The following FKBP15 variants were observed in gnomAD, a reference collection of about 807,000 sequenced individuals.
FKBP15 encodes the protein FKBP prolyl isomerase family member 15.
A neutral mutation model predicts 158.1 loss-of-function variants in FKBP15; 106 were observed. That is an observed-to-expected ratio of 0.67 (90% CI 0.57 to 0.79). FKBP15 has a LOEUF of 0.79. Ranked by LOEUF, FKBP15 falls within the 30% of genes least tolerant of loss-of-function variation. The probability of loss-of-function intolerance (pLI) is 0.00; values close to 1 mark genes in which losing one functional copy is unlikely to be tolerated. For synonymous variants in FKBP15, 547 were observed against 548.6 expected, an observed-to-expected ratio of 1.00 and a Z score of 0.04; for missense variants, 1,287 against 1,479.1, an observed-to-expected ratio of 0.87 and a Z score of 2.13.
At chr9:113,215,930 T>TG (rs1831121478) in intron 1 of FKBP15, among the ~76,000 whole-genome samples, 1 of 151,652 alleles carries the variant, frequency 6.6e-6, no homozygotes, top group South Asian at 2.1e-4. Flanking sequence ...GGATTATAGG[T>TG]GTGAGCCATT....
intron 18 of FKBP15, among the ~76,000 whole-genome samples, chr9:113,183,190 C>A (rs758796932): frequency 1.3e-5 from 2 of 152,116 alleles, no homozygotes; most frequent in Non-Finnish European, 2.9e-5. Context: ...GCCACTCCCC[C>A]AGCTCTGTCA....
rs375705786 is a variant in FKBP15, at chr9:113,166,094, A to G, written c.3644T>C (p.Ile1215Thr). 2.0e-5 allele frequency: 32 copies of G among 1,613,442 alleles called. No homozygotes were observed. Among genetic ancestry groups the G allele is most frequent in the East Asian group, 6.7e-5 (3 of 44,892 alleles). Residue 1215 changes from isoleucine (I) to threonine (T), a missense_variant, in exon 28 of 28, where the codon ATT becomes ACT. Transcript: ENST00000238256. ...CCTGGGTCTTCATCCCAGCCAGTCA[A>G]TGTCATCGTCATCATCATCATCTCC... The part of the protein sequence containing the change: ...LFGDDDDDDD[I>T]DWLG
In FKBP15 at chr9:113,162,764, C is replaced by G. The variant is rs747207793; in HGVS notation, c.*3314G>C. The stretch of plus-strand genomic sequence containing the variant: ...TTTTATCTAGGTGGTATTTGTGTCA[C>G]TTTGGCCAGTCTCTAATCCATGTCA... On this transcript the variant is annotated 3_prime_UTR_variant, in exon 28 of 28. Coordinates refer to ENST00000238256, the MANE Select transcript of FKBP15 (RefSeq NM_015258.2). The G allele has an allele frequency of 5.6e-6, 9 of 1,612,676 alleles. No individual in the cohort carries two copies. Among genetic ancestry groups the G allele is most frequent in the Non-Finnish European group, 7.6e-6 (9 of 1,179,350 alleles).
rs747436917 is a variant in FKBP15, at chr9:113,173,606, C to T, written c.2380-1G>A. On this transcript the variant is annotated splice_acceptor_variant, in intron 22 of 27. Coordinates refer to ENST00000238256, the MANE Select transcript of FKBP15 (RefSeq NM_015258.2). LOFTEE classifies it high-confidence loss of function. ...GTAGCTCAGCCTGTACTAAAGACAG[C>T]TGCCAAGAGAAAGTAATGACCATAT... The T allele has an allele frequency of 4.3e-6, 7 of 1,613,124 alleles. No individual in the cohort carries two copies. Among genetic ancestry groups the T allele is most frequent in the South Asian group, 1.1e-5 (1 of 91,024 alleles).
At chr9:113,173,354 A>G in intron 23 of FKBP15, 99 bp downstream of exon 23, 2 of 1,282,752 alleles carry the variant, frequency 1.6e-6, no homozygotes, top group Non-Finnish European at 2.1e-6. Context: ...CTAGATATTA[A>G]TAACTTTCAG....
chr9:113,161,026 A>G lies in FKBP15; in HGVS notation c.*5052T>C, dbSNP rs1045381942. The G allele has an allele frequency of 6.5e-6, 1 of 152,806 alleles. No homozygotes were observed. Among genetic ancestry groups the G allele is most frequent in the Non-Finnish European group, 1.5e-5 (1 of 68,482 alleles). 9.5% of individuals were successfully genotyped at this position (152,806 alleles called of 1,614,324 possible). A position where few individuals can be genotyped will look rare whatever the true frequency, so the allele number is the denominator to read the frequency against. ...CTTGATAGTTTTGGTAAAATAATTT[A>G]TTGGGTTTTTCCCCTATTATAAAAG... On this transcript the variant is annotated 3_prime_UTR_variant, in exon 28 of 28. Coordinates refer to ENST00000238256, the MANE Select transcript of FKBP15 (RefSeq NM_015258.2).
chr9:113,163,825 A>ATACT lies in FKBP15; in HGVS notation c.*2249_*2252dup, dbSNP rs1205030373. 2 of 152,624 alleles carry ATACT rather than the reference A, an allele frequency of 1.3e-5. No individual in the cohort carries two copies. Among genetic ancestry groups the ATACT allele is most frequent in the African/African-American group, 4.8e-5 (2 of 41,448 alleles). The allele number at this position is 152,624 out of a possible 1,614,324, so 9.5% of individuals were successfully genotyped here. ...AAAAAGCTGCATCTAATAATGTTCA[A>ATACT]TACTTAATATTCTCTATTTATTACT... On this transcript the variant is annotated 3_prime_UTR_variant, in exon 28 of 28. Transcript: ENST00000238256.
At chr9:113,167,763 G>T (rs1830120867) in intron 27 of FKBP15, among the ~76,000 whole-genome samples, 1 of 152,198 alleles carries the variant, frequency 6.6e-6, no homozygotes, top group South Asian at 2.1e-4. Context: ...GGGACAGCCA[G>T]AACGGTTGTA....
intron 11 of FKBP15, 140 bp downstream of exon 11, chr9:113,193,352 T>TTA: frequency 2.0e-6 from 1 of 500,870 alleles, no homozygotes; most frequent in Non-Finnish European, 3.4e-6. Context: ...TTTTTTTTTT[T>TTA]AAAGGAGAGA....
intron 1 of FKBP15, among the ~76,000 whole-genome samples, chr9:113,213,479 C>T (rs1831056705): frequency 6.6e-6 from 1 of 151,408 alleles, no homozygotes; most frequent in African/African-American, 2.4e-5. Context: ...GAGGCTGAGG[C>T]AGGAGGCTCA....
intron 13 of FKBP15, among the ~76,000 whole-genome samples, chr9:113,188,147 A>G (rs867775533): frequency 6.6e-6 from 1 of 152,212 alleles, no homozygotes; most frequent in Non-Finnish European, 1.5e-5. Flanking sequence ...AGATGTCTCA[A>G]TAGCTGAGTG....
At chr9:113,194,469 T>C (rs936940837) in intron 9 of FKBP15, among the ~76,000 whole-genome samples, 1 of 148,542 alleles carries the variant, frequency 6.7e-6, no homozygotes, top group Non-Finnish European at 1.5e-5. Context: ...AAAAGAGTCA[T>C]TGCAGGTGGA....
intron 8 of FKBP15, among the ~76,000 whole-genome samples, chr9:113,197,880 A>G (rs1371094357): frequency 1.3e-5 from 2 of 152,228 alleles, no homozygotes; most frequent in Admixed American, 1.3e-4. Flanking sequence ...GTCTAGGTTC[A>G]GTGATCATGA....
intron 26 of FKBP15, among the ~76,000 whole-genome samples, 197 bp downstream of exon 26, chr9:113,169,027 A>ACAGGGCCCGCCACACTACCG (rs1157386483): frequency 2.4e-5 from 1 of 41,312 alleles, no homozygotes; most frequent in South Asian, 7.2e-4. Context: ...CCACACTACC[A>ACAGGGCCCGCCACACTACCG]CAGGGCCCGC....
rs1271355255 is a variant in FKBP15, at chr9:113,161,451, C to T, written c.*4627G>A. 11 of 1,505,484 alleles carry T rather than the reference C, an allele frequency of 7.3e-6. No individual in the cohort carries two copies. The highest frequency in any genetic ancestry group is 9.2e-6 in the Non-Finnish European group (10 of 1,088,228). The allele number at this position is 1,505,484 out of a possible 1,614,324, so 93.3% of individuals were successfully genotyped here. On this transcript the variant is annotated 3_prime_UTR_variant, in exon 28 of 28. Transcript: ENST00000238256. ...TGGATTCCATGAACAGGTGGAGGTG[C>T]TGGAAGGGAAACAGTGCTGGCCTGG...
chr9:113,205,718 A>T (rs904736292), intron 4 of FKBP15, among the ~76,000 whole-genome samples: 7 of 152,206 alleles, frequency 4.6e-5, no homozygotes, highest in African/African-American at 1.7e-4. Context: ...AGTCTTCACG[A>T]TACATACTTT....
chr9:113,175,936 G>C (rs1401709399), intron 21 of FKBP15, among the ~76,000 whole-genome samples: 1 of 152,132 alleles, frequency 6.6e-6, no homozygotes, highest in Non-Finnish European at 1.5e-5. Context: ...TATTCTTTGA[G>C]GATAACCTGG....
chr9:113,202,082 T>C (rs1245835054), intron 6 of FKBP15, among the ~76,000 whole-genome samples: 1 of 152,144 alleles, frequency 6.6e-6, no homozygotes, highest in Non-Finnish European at 1.5e-5. Context: ...CTTGTACAGA[T>C]GGGGTTTCAC....
At chr9:113,207,161 C>A in intron 3 of FKBP15, 51 bp downstream of exon 3, 2 of 1,352,386 alleles carry the variant, frequency 1.5e-6, no homozygotes, top group Admixed American at 1.8e-5. Flanking sequence ...AGTAGCTTAA[C>A]TGCACGCCCT....
Sources: gnomAD v4.1 joint callset for allele counts (sites outside exome capture counted in the v4.1 genomes callset) on GRCh38, gnomAD v4.1.1 for gene constraint, MANE v1.5 for transcripts, NCBI Gene and HGNC (gene_info 2026-07-23, HGNC 2026-07-21) for gene names.